The following ANK3 variants were observed in gnomAD, a reference collection of about 807,000 sequenced individuals.
ANK3 encodes the protein ankyrin-3.
Under a neutral mutation model 370.9 loss-of-function variants are expected in ANK3, and 57 were observed. The ratio of observed to expected loss-of-function variants is 0.15; its 90% CI spans 0.12 to 0.19. The LOEUF (loss-of-function observed/expected upper bound fraction) is 0.19, where lower values mean the gene tolerates loss of function less well. Ranked by LOEUF, ANK3 falls within the 10% of genes least tolerant of loss-of-function variation. ANK3 has a pLI of 1.00. For missense variants in ANK3, 4,439 were observed against 5,302.1 expected, an observed-to-expected ratio of 0.84 and a Z score of 5.06; for synonymous variants, 1,929 against 1,946.3, an observed-to-expected ratio of 0.99 and a Z score of 0.23.
chr10:60,029,869 C>CTTTTTT (rs1564489978), intron 43 of ANK3, 43 bp from the exon 44 acceptor site: 3 of 39,382 alleles, frequency 7.6e-5, no homozygotes, highest in Admixed American at 2.9e-4. Context: ...CTTTCTTTTT[C>CTTTTTT]TTTTTCTTTT....
intron 23 of ANK3, among the ~76,000 whole-genome samples, chr10:60,164,465 A>G (rs2095572104): frequency 6.6e-6 from 1 of 151,862 alleles, no homozygotes; most frequent in Non-Finnish European, 1.5e-5. Context: ...GAGGGGAACA[A>G]TAGAAGGAGG....
chr10:60,315,570 T>C (rs1229175857), intron 1 of ANK3, among the ~76,000 whole-genome samples: 6 of 152,194 alleles, frequency 3.9e-5, no homozygotes, highest in Admixed American at 3.3e-4. Flanking sequence ...TTTGTTAAAA[T>C]ACTAACAATT....
chr10:60,337,318 C>T (rs2053231994), intron 1 of ANK3, among the ~76,000 whole-genome samples: 1 of 152,064 alleles, frequency 6.6e-6, no homozygotes, highest in South Asian at 2.1e-4. Context: ...TTTTTCTTTG[C>T]TGCCCCCATC....
At position 60,288,196 on chromosome 10, in the gene ANK3, G is replaced by A. The variant is rs182698449; in HGVS notation, c.115-8557C>T. On this transcript the variant is annotated intron_variant, in intron 1 of 43. Transcript: ENST00000280772. ...CCAACCCTCCTCACTTTCCCTCCCC[G>A]ACCAACAGACGCACCTACTAAATTC... 1.1e-3 allele frequency among the ~76,000 whole-genome samples: 165 copies of A among 151,936 alleles called. 1 individual carries two copies. The highest frequency in any genetic ancestry group is 3.9e-3 in the African/African-American group (161 of 41,434).
At chr10:60,324,145 A>G (rs2049272038) in intron 1 of ANK3, among the ~76,000 whole-genome samples, 1 of 152,222 alleles carries the variant, frequency 6.6e-6, no homozygotes, top group African/African-American at 2.4e-5. Flanking sequence ...GAGAAATATG[A>G]AAGCAGAAAG....
At chr10:60,555,289 T>G (rs551699048) in intron 2 of ANK3, among the ~76,000 whole-genome samples, 2 of 151,886 alleles carry the variant, frequency 1.3e-5, no homozygotes, top group African/African-American at 2.4e-5. Context: ...CTGGGCAACA[T>G]AGTGAGACTC....
intron 25 of ANK3, among the ~76,000 whole-genome samples, chr10:60,131,903 G>C (rs73261163): frequency 0.026 from 4,010 of 152,262 alleles, 179 homozygotes; most frequent in African/African-American, 0.091. Context: ...AATTAGGTTT[G>C]ATCAGAAATT....
chr10:60,386,815 C>G (rs971204528), intron 1 of ANK3, among the ~76,000 whole-genome samples: 2 of 152,130 alleles, frequency 1.3e-5, no homozygotes, highest in African/African-American at 4.8e-5. Context: ...ACTAGATACT[C>G]TTTAGGATTT....
chr10:60,540,056 A>G (rs1473980971), intron 2 of ANK3, among the ~76,000 whole-genome samples: 2 of 151,862 alleles, frequency 1.3e-5, no homozygotes, highest in African/African-American at 4.8e-5. Context: ...GGAGGAAGTG[A>G]TTGATAAGAA....
At chr10:60,191,210 G>A (rs570326608) in intron 16 of ANK3, among the ~76,000 whole-genome samples, 2 of 152,184 alleles carry the variant, frequency 1.3e-5, no homozygotes, top group African/African-American at 4.8e-5. Flanking sequence ...AAAATCAAAT[G>A]CAGCAAGTCA....
At chr10:60,133,353 G>A (rs965309929) in intron 25 of ANK3, among the ~76,000 whole-genome samples, 6 of 152,154 alleles carry the variant, frequency 3.9e-5, no homozygotes, top group Non-Finnish European at 1.5e-5. Context: ...AATTATTCCA[G>A]GACCATCCTG....
chr10:60,637,806 A>G (rs1376291590), intron 1 of ANK3, among the ~76,000 whole-genome samples: 3 of 152,168 alleles, frequency 2.0e-5, no homozygotes. Flanking sequence ...ACCCTAAAAG[A>G]TTAACTGCTA....
intron 2 of ANK3, among the ~76,000 whole-genome samples, chr10:60,457,522 G>A (rs1332117218): frequency 6.6e-6 from 1 of 152,108 alleles, no homozygotes; most frequent in African/African-American, 2.4e-5. Context: ...TTGGTGTTTA[G>A]CAAGTTCCAG....
intron 8 of ANK3, among the ~76,000 whole-genome samples, chr10:60,221,229 GCCA>G (rs1284989584): frequency 1.3e-5 from 2 of 151,918 alleles, no homozygotes; most frequent in East Asian, 3.9e-4. Flanking sequence ...ACAGGCGCCT[GCCA>G]CCACGCCTGG....
intron 1 of ANK3, among the ~76,000 whole-genome samples, chr10:60,695,293 T>A (rs2079429007): frequency 6.6e-6 from 1 of 151,666 alleles, no homozygotes; most frequent in Non-Finnish European, 1.5e-5. Flanking sequence ...CTCCCACACA[T>A]TAATAATGGG....
chr10:60,575,778 G>C (rs921254678), intron 2 of ANK3, among the ~76,000 whole-genome samples: 12 of 151,980 alleles, frequency 7.9e-5, no homozygotes, highest in African/African-American at 2.7e-4. Flanking sequence ...TTATAAAATA[G>C]GGCAAATTTC....
chr10:60,078,608 C>T (rs1201540775), intron 36 of ANK3, among the ~76,000 whole-genome samples: 1 of 152,174 alleles, frequency 6.6e-6, no homozygotes, highest in Non-Finnish European at 1.5e-5. Flanking sequence ...ATCAGTTACA[C>T]ATTTTATGCT....
chr10:60,412,057 G>T (rs908550848), intron 2 of ANK3, among the ~76,000 whole-genome samples: 2 of 152,114 alleles, frequency 1.3e-5, no homozygotes, highest in African/African-American at 4.8e-5. Flanking sequence ...GCTCGTAGAG[G>T]GTATGTAAGG....
intron 9 of ANK3, among the ~76,000 whole-genome samples, chr10:60,212,999 A>G (rs1591816052): frequency 6.6e-6 from 1 of 152,176 alleles, no homozygotes; most frequent in Non-Finnish European, 1.5e-5. Flanking sequence ...TCCAGTCTTT[A>G]TCAGCTAAGT....
Sources: allele counts gnomAD v4.1 joint callset (sites outside exome capture counted in the v4.1 genomes callset), GRCh38; gene constraint gnomAD v4.1.1; transcripts MANE v1.5; gene names NCBI Gene and HGNC (gene_info 2026-07-23, HGNC 2026-07-21).